The following FAM199X variants were observed in gnomAD, a reference collection of about 807,000 sequenced individuals.
FAM199X encodes the protein family with sequence similarity 199, X-linked, also known as protein FAM199X.
Under a neutral mutation model 22.9 loss-of-function variants are expected in FAM199X, and 4 were observed. The ratio of observed to expected loss-of-function variants is 0.17; its 90% confidence interval spans 0.09 to 0.40. FAM199X has a LOEUF of 0.40. Ranked by LOEUF, FAM199X falls within the 10% of genes least tolerant of loss-of-function variation. FAM199X has a pLI of 1.00. For synonymous variants in FAM199X, 101 were observed against 112.3 expected (o/e 0.90, Z 0.64); for missense variants, 183 against 306.8 (o/e 0.60, Z 3.01).
chrX:104,167,077 C>T (rs1238157472), intron 1 of FAM199X, 95 bp downstream of exon 1: 1 of 793,014 alleles, frequency 1.3e-6, no homozygotes, highest in African/African-American at 2.2e-5. Context: ...CAGTCGCCCC[C>T]TCCCCCACCT....
intron 4 of FAM199X, among the ~76,000 whole-genome samples, chrX:104,187,543 C>G (rs1445583460): frequency 8.9e-6 from 1 of 112,118 alleles, no homozygotes; most frequent in African/African-American, 3.2e-5. Context: ...AGCAGACATA[C>G]TATAATTTTC....
At chrX:104,180,170 G>A (rs111481328) in intron 2 of FAM199X, among the ~76,000 whole-genome samples, 7,249 of 106,957 alleles carry the variant, frequency 0.068, 642 homozygotes, top group African/African-American at 0.23. Flanking sequence ...TTGTAGAGAC[G>A]GGGTCTCACT....
chrX:104,164,873 C>CT (rs781905768), upstream of FAM199X, among the ~76,000 whole-genome samples: 23 of 111,570 alleles, frequency 2.1e-4, no homozygotes, highest in Non-Finnish European at 3.6e-4. Flanking sequence ...GAGCAAGACT[C>CT]TGTCTCAAAA....
chrX:104,185,994 T>C (rs1044813235), intron 2 of FAM199X, 72 bp from the exon 3 acceptor site: 16 of 988,136 alleles, frequency 1.6e-5, no homozygotes, highest in Admixed American at 5.6e-5. Context: ...GTGGAAAATA[T>C]ATTGTAGTAT....
In FAM199X at chrX:104,190,155, A is replaced by C; in HGVS notation, c.*377A>C. On this transcript the variant is annotated 3_prime_UTR_variant, in exon 6 of 6. Coordinates refer to ENST00000493442, the MANE Select transcript of FAM199X (RefSeq NM_207318.4). ...TGGGCGTCTTCAAAGACTAGTACTT[A>C]CACAGTTTAGAAGATTTCAAGGTAC... 7.0e-6 allele frequency: 1 copy of C among 142,046 alleles called. No homozygotes were observed. Among genetic ancestry groups the C allele is most frequent in the Non-Finnish European group, 1.4e-5 (1 of 71,609 alleles). 11.7% of individuals were successfully genotyped at this position (142,046 alleles called of 1,213,427 possible).
In FAM199X at chrX:104,195,849, T is replaced by C. The variant is rs781796750; in HGVS notation, c.*6071T>C. The C allele has an allele frequency of 1.8e-5, 2 of 110,271 alleles. No homozygotes were observed. The highest frequency in any genetic ancestry group is 4.0e-4 in the South Asian group (1 of 2,506). 9.1% of individuals were successfully genotyped at this position (110,271 alleles called of 1,213,427 possible). A position where few individuals can be genotyped will look rare whatever the true frequency, so the allele number is the denominator to read the frequency against. Reference sequence around the variant, plus strand: ...AGCTTGTTTAATGATGCCAATCTTATGCTTTTCTGTAATCTTCAATTTTTA... The same window carrying C: ...AGCTTGTTTAATGATGCCAATCTTACGCTTTTCTGTAATCTTCAATTTTTA... On this transcript the variant is annotated 3_prime_UTR_variant, in exon 6 of 6. Coordinates refer to ENST00000493442, the MANE Select transcript of FAM199X (RefSeq NM_207318.4).
chrX:104,167,841 G>C (rs965702963), intron 1 of FAM199X, among the ~76,000 whole-genome samples: 1 of 109,178 alleles, frequency 9.2e-6, no homozygotes, highest in Admixed American at 9.9e-5. Flanking sequence ...AGACGTTCTA[G>C]ATACAGCCTC....
Position 104,193,515 on chromosome X carries a change from CCTCTT to C in FAM199X, c.*3740_*3744del, listed in dbSNP as rs782324384. On this transcript the variant is annotated 3_prime_UTR_variant, in exon 6 of 6. Coordinates refer to ENST00000493442, the MANE Select transcript of FAM199X (RefSeq NM_207318.4). ...ATTTGTGTAATAGCTGGAACACACT[CCTCTT>C]CTTTCCTTTAACAAATGAACTTTTA... is the stretch of plus-strand genomic sequence containing the variant. The C allele has an allele frequency of 7.7e-4, 86 of 112,001 alleles. No individual in the cohort carries two copies. Among genetic ancestry groups the C allele is most frequent in the Middle Eastern group, 4.6e-3 (1 of 218 alleles). The allele number at this position is 112,001 out of a possible 1,213,427, so 9.2% of individuals were successfully genotyped here.
Position 104,191,051 on chromosome X carries a change from T to C in FAM199X, c.*1273T>C, listed in dbSNP as rs1030143379. The C allele has an allele frequency of 8.9e-6, 1 of 112,271 alleles. No individual in the cohort carries two copies. Among genetic ancestry groups the C allele is most frequent in the Non-Finnish European group, 1.9e-5 (1 of 53,187 alleles). 9.3% of individuals were successfully genotyped at this position (112,271 alleles called of 1,213,427 possible). ...TACTACTGACAATCAAGCTGCTTTC[T>C]GACTTTCATAATTTTCTTTATATTG... On this transcript the variant is annotated 3_prime_UTR_variant, in exon 6 of 6. Coordinates refer to ENST00000493442, the MANE Select transcript of FAM199X (RefSeq NM_207318.4).
Position 104,192,783 on chromosome X carries a change from T to C in FAM199X, c.*3005T>C, listed in dbSNP as rs987480781. 9.0e-6 allele frequency: 1 copy of C among 111,077 alleles called. No individual in the cohort carries two copies. Among genetic ancestry groups the C allele is most frequent in the East Asian group, 2.8e-4 (1 of 3,573 alleles). The allele number at this position is 111,077 out of a possible 1,213,427, so 9.2% of individuals were successfully genotyped here. ...TCCTCTGTCCCTTGAGTGAATTAGA[T>C]ATTGGTGAATTAATCTCAGAAACTG... On this transcript the variant is annotated 3_prime_UTR_variant, in exon 6 of 6. Coordinates refer to ENST00000493442, the MANE Select transcript of FAM199X (RefSeq NM_207318.4).
rs1314715004 is a variant in FAM199X, at chrX:104,179,359, G to A, written c.417+3517G>A. Among the ~76,000 whole-genome samples the A allele has an allele frequency of 3.6e-5, 4 of 111,486 alleles. No individual in the cohort carries two copies. In the Admixed American group the frequency reaches 3.8e-4, roughly 11 times the overall value. On this transcript the variant is annotated intron_variant, in intron 2 of 5. Transcript: ENST00000493442. Reference sequence around the variant, plus strand: ...CAATGTCTAAGTCTTACACTCTCTTGGTTGAATTTATTCCTAAATATTGTA... The same window carrying A: ...CAATGTCTAAGTCTTACACTCTCTTAGTTGAATTTATTCCTAAATATTGTA...
chrX:104,158,153 G>A, the FAM199X span, among the ~76,000 whole-genome samples: 1 of 111,707 alleles, frequency 9.0e-6, no homozygotes, highest in Non-Finnish European at 1.9e-5. Flanking sequence ...CTGAGAAAAA[G>A]GCCACCATAA....
In FAM199X at chrX:104,194,608, A is replaced by G. The variant is rs1922014501; in HGVS notation, c.*4830A>G. ...CTGTAGTGGATCCATTTAATTTCCT[A>G]TTTGAGTACTCTCACTTAACAAGTA... On this transcript the variant is annotated 3_prime_UTR_variant, in exon 6 of 6. Transcript: ENST00000493442. The G allele has an allele frequency of 8.9e-6, 1 of 111,974 alleles. No individual in the cohort carries two copies. Among genetic ancestry groups the G allele is most frequent in the Non-Finnish European group, 1.9e-5 (1 of 53,094 alleles). The allele number at this position is 111,974 out of a possible 1,213,427, so 9.2% of individuals were successfully genotyped here.
rs1421101829 is a variant in FAM199X, at chrX:104,189,464, T to A, written c.997-144T>A. 5 of 579,298 alleles carry A rather than the reference T, an allele frequency of 8.6e-6. No homozygotes were observed. The South Asian group carries it at 1.1e-4, about 13-fold the overall frequency. The allele number at this position is 579,298 out of a possible 1,213,427, so 47.7% of individuals were successfully genotyped here. ...TCATTTTTAAGCCTAAGCCAGTGGC[T>A]CACTTATTGGAACAAGGATCATACT... On this transcript the variant is annotated intron_variant, in intron 5 of 5. Coordinates refer to ENST00000493442, the MANE Select transcript of FAM199X (RefSeq NM_207318.4).
chrX:104,183,440 G>A (rs1921711593), intron 2 of FAM199X, among the ~76,000 whole-genome samples: 1 of 110,074 alleles, frequency 9.1e-6, no homozygotes, highest in Non-Finnish European at 1.9e-5. Flanking sequence ...TTCAAGCAGT[G>A]TTAGTTAATG....
At chrX:104,176,940 A>G (rs1048376207) in intron 2 of FAM199X, among the ~76,000 whole-genome samples, 2 of 111,392 alleles carry the variant, frequency 1.8e-5, no homozygotes, top group African/African-American at 6.5e-5. Flanking sequence ...TGTTTTTCAT[A>G]TTATTTGGAT....
chrX:104,187,052 C>T (rs1213291255), intron 4 of FAM199X, among the ~76,000 whole-genome samples: 1 of 110,384 alleles, frequency 9.1e-6, no homozygotes, highest in Non-Finnish European at 1.9e-5. Flanking sequence ...TGAATTTTCC[C>T]TCTGCTGTTC....
intron 4 of FAM199X, among the ~76,000 whole-genome samples, chrX:104,187,343 A>G (rs1327770828): frequency 9.0e-6 from 1 of 111,288 alleles, no homozygotes; most frequent in African/African-American, 3.3e-5. Context: ...CAGCCTCCCA[A>G]AGTGCTGGGA....
chrX:104,166,684 C>T lies in FAM199X; in HGVS notation c.-102C>T. 1 of 763,980 alleles carries T rather than the reference C, an allele frequency of 1.3e-6. No homozygotes were observed. The highest frequency in any genetic ancestry group is 4.1e-5 in the East Asian group (1 of 24,402). 63.0% of individuals were successfully genotyped at this position (763,980 alleles called of 1,213,427 possible). A position where few individuals can be genotyped will look rare whatever the true frequency, so the allele number is the denominator to read the frequency against. ...TGCCAGTGAGCTGCGACGGGCACAC[C>T]CCGGAGCGTCGGCGACTGCGGACAG... On this transcript the variant is annotated 5_prime_UTR_variant, in exon 1 of 6. Coordinates refer to ENST00000493442, the MANE Select transcript of FAM199X (RefSeq NM_207318.4).
Sources: allele counts gnomAD v4.1 joint callset (sites outside exome capture counted in the v4.1 genomes callset), GRCh38; gene constraint gnomAD v4.1.1; transcripts MANE v1.5; gene names NCBI Gene and HGNC (gene_info 2026-07-23, HGNC 2026-07-21).